SLC4A4: variants seen among roughly 807,000 people sequenced by gnomAD.
SLC4A4 encodes the protein electrogenic sodium bicarbonate cotransporter 1.
A neutral mutation model predicts 111.5 loss-of-function variants in SLC4A4; 27 were observed. The observed-to-expected ratio is 0.24, with a 90% CI of 0.18 to 0.33. The LOEUF (loss-of-function observed/expected upper bound fraction) is 0.33. SLC4A4 is among the 10% of genes least tolerant of loss of function. The pLI is 1.00. For synonymous variants in SLC4A4, 443 were observed against 463.4 expected (o/e 0.96, Z 0.57); for missense variants, 909 against 1,315.5 (o/e 0.69, Z 4.78).
At chr4:71,479,430 C>T (rs186977025) in intron 14 of SLC4A4, among the ~76,000 whole-genome samples, 308 of 151,720 alleles carry the variant, frequency 2.0e-3, no homozygotes, top group African/African-American at 6.9e-3. Flanking sequence ...TATTAATAAG[C>T]GCTGTGCAAC....
intron 2 of SLC4A4, among the ~76,000 whole-genome samples, chr4:71,130,263 G>A (rs1578507941): frequency 6.6e-6 from 1 of 151,624 alleles, no homozygotes; most frequent in South Asian, 2.1e-4. Flanking sequence ...GAGATCTTGC[G>A]CTATTGCTTG....
intron 6 of SLC4A4, among the ~76,000 whole-genome samples, chr4:71,377,333 G>A (rs1732504078): frequency 6.6e-6 from 1 of 152,226 alleles, no homozygotes; most frequent in Non-Finnish European, 1.5e-5. Context: ...AAGTGTGGTG[G>A]TAATAATTGA....
At chr4:71,395,997 T>C (rs1356080733) in intron 6 of SLC4A4, among the ~76,000 whole-genome samples, 1 of 152,186 alleles carries the variant, frequency 6.6e-6, no homozygotes, top group Non-Finnish European at 1.5e-5. Context: ...TGCAAAATTG[T>C]CTGTACTCAT....
chr4:71,493,632 C>T (rs147025050), intron 15 of SLC4A4, among the ~76,000 whole-genome samples: 38 of 151,634 alleles, frequency 2.5e-4, no homozygotes, highest in African/African-American at 8.5e-4. Flanking sequence ...AGTCCTGGGA[C>T]GTCTCTCTCT....
chr4:71,264,965 G>A (rs924828354), intron 3 of SLC4A4, among the ~76,000 whole-genome samples: 2 of 152,122 alleles, frequency 1.3e-5, no homozygotes, highest in African/African-American at 4.8e-5. Flanking sequence ...AAAGTGTGGC[G>A]GAAAGTTTTG....
At chr4:71,070,747 A>G (rs1741639714) in intron 1 of SLC4A4, among the ~76,000 whole-genome samples, 1 of 152,208 alleles carries the variant, frequency 6.6e-6, no homozygotes, top group Non-Finnish European at 1.5e-5. Context: ...AATCGAGGAC[A>G]TTTACATCAG....
chr4:71,145,600 T>C (rs1744141578), intron 2 of SLC4A4, among the ~76,000 whole-genome samples: 1 of 152,186 alleles, frequency 6.6e-6, no homozygotes, highest in South Asian at 2.1e-4. Flanking sequence ...GTTGGTGAGC[T>C]ATTAATTATT....
intron 1 of SLC4A4, among the ~76,000 whole-genome samples, chr4:71,081,979 T>C (rs574030168): frequency 8.5e-5 from 13 of 152,164 alleles, no homozygotes; most frequent in Admixed American, 5.2e-4. Flanking sequence ...CTAAATTCAC[T>C]GCCTTTCAAC....
intron 1 of SLC4A4, among the ~76,000 whole-genome samples, chr4:71,085,134 T>C (rs1385525514): frequency 2.0e-5 from 3 of 152,118 alleles, no homozygotes; most frequent in Admixed American, 2.0e-4. Context: ...GTGGTTTTGA[T>C]TTGCATTTCT....
At chr4:71,446,973 T>G (rs1237172708) in intron 8 of SLC4A4, among the ~76,000 whole-genome samples, 1 of 152,242 alleles carries the variant, frequency 6.6e-6, no homozygotes, top group Non-Finnish European at 1.5e-5. Flanking sequence ...TCAGGACCTG[T>G]TTGCTATGAA....
intron 7 of SLC4A4, among the ~76,000 whole-genome samples, chr4:71,409,995 G>A (rs951315309): frequency 3.9e-5 from 6 of 152,194 alleles, no homozygotes; most frequent in African/African-American, 7.2e-5. Flanking sequence ...TTGAGCCTGC[G>A]AGCGCACAGA....
At chr4:71,263,760 T>A (rs1722037606) in intron 3 of SLC4A4, among the ~76,000 whole-genome samples, 1 of 152,168 alleles carries the variant, frequency 6.6e-6, no homozygotes, top group Non-Finnish European at 1.5e-5. Flanking sequence ...AAAATAGAAA[T>A]TGTGCATGTT....
At chr4:71,265,439 G>A (rs1368611704) in intron 3 of SLC4A4, among the ~76,000 whole-genome samples, 1 of 152,096 alleles carries the variant, frequency 6.6e-6, no homozygotes. Context: ...AATAGAGGGG[G>A]AAGTGCAGGG....
At position 71,487,017 on chromosome 4, in the gene SLC4A4, T is replaced by C; in HGVS notation, c.1973T>C (p.Met658Thr). ...EYLPTMSSTD[M>T]YHNTTFDWAF... ...TTGCCAACTATGTCTTCTACTGACA[T>C]GGTAAGTGACTTACTATTTTAAATT... is the stretch of plus-strand genomic sequence containing the variant. The change falls in exon 15 of 26, where the codon ATG (methionine) becomes ACG (threonine). Residue 658 changes from methionine (M) to threonine (T), a missense_variant and splice_region_variant. Physicochemically the swap from Met to Thr is moderately conservative, Grantham distance 81 (BLOSUM62 -1). Coordinates refer to ENST00000264485, the MANE Select transcript of SLC4A4 (RefSeq NM_001098484.3). The C allele has an allele frequency of 1.3e-6, 2 of 1,577,162 alleles. No homozygotes were observed. The highest frequency in any genetic ancestry group is 1.7e-6 in the Non-Finnish European group (2 of 1,148,182).
chr4:71,202,369 G>C (rs957542258), intron 1 of SLC4A4, among the ~76,000 whole-genome samples: 2 of 152,014 alleles, frequency 1.3e-5, no homozygotes, highest in Admixed American at 6.6e-5. Context: ...TATTCAAATG[G>C]GTGGAAAACA....
rs760037325 is a variant in SLC4A4 at position 71,536,485 on chromosome 4, T to TATATATAA, written c.2442+2099_2442+2100insATATAAAT. 9.8e-3 allele frequency among the ~76,000 whole-genome samples: 819 copies of TATATATAA among 83,888 alleles called. 13 individuals carry two copies. The highest frequency in any genetic ancestry group is 0.022 in the African/African-American group (428 of 19,816). The allele number at this position is 83,888 out of a possible 152,430, so 55.0% of individuals were successfully genotyped here. On this transcript the variant is annotated intron_variant, in intron 18 of 25. Transcript: ENST00000264485. ...ATATACATATATATATATATATATA[T>TATATATAA]ATGTATATATTTATTTATTTATTTA...
chr4:71,568,165 C>A lies in SLC4A4; in HGVS notation c.*414C>A. 1 of 320,366 alleles carries A rather than the reference C, an allele frequency of 3.1e-6. No homozygotes were observed. The highest frequency in any genetic ancestry group is 5.7e-6 in the Non-Finnish European group (1 of 174,862). 19.8% of individuals were successfully genotyped at this position (320,366 alleles called of 1,614,324 possible). A position where few individuals can be genotyped will look rare whatever the true frequency, so the allele number is the denominator to read the frequency against. ...CTGTCACTCAAGACACAGACACGCA[C>A]AGACCCTGTCCTTTGCCTCTATTAA... On this transcript the variant is annotated 3_prime_UTR_variant, in exon 26 of 26. Coordinates refer to ENST00000264485, the MANE Select transcript of SLC4A4 (RefSeq NM_001098484.3).
intron 2 of SLC4A4, among the ~76,000 whole-genome samples, chr4:71,152,933 CAT>C (rs1441951428): frequency 6.7e-6 from 1 of 148,612 alleles, no homozygotes; most frequent in Non-Finnish European, 1.5e-5. Flanking sequence ...GTATATATCA[CAT>C]ATATATATCC....
chr4:71,460,720 A>G (rs943380688), intron 12 of SLC4A4, among the ~76,000 whole-genome samples: 3 of 152,106 alleles, frequency 2.0e-5, no homozygotes, highest in Admixed American at 1.3e-4. Context: ...TGTGTGACCA[A>G]TCGTTACTGA....
Sources: gnomAD v4.1 joint callset for allele counts (sites outside exome capture counted in the v4.1 genomes callset) on GRCh38, gnomAD v4.1.1 for gene constraint, MANE v1.5 for transcripts, NCBI Gene and HGNC (gene_info 2026-07-23, HGNC 2026-07-21) for gene names.